The following KCNN2 variants were observed in gnomAD, a reference collection of about 807,000 sequenced individuals.
KCNN2 encodes the protein potassium calcium-activated channel subfamily N member 2, also known as small conductance calcium-activated potassium channel protein 2.
A neutral mutation model predicts 55.5 loss-of-function variants in KCNN2; 24 were observed. That is an observed-to-expected ratio of 0.43 (90% CI 0.31 to 0.61). KCNN2 has a LOEUF of 0.61. Ranked by LOEUF, KCNN2 falls within the 20% of genes least tolerant of loss-of-function variation. The probability of loss-of-function intolerance (pLI) is 0.08; values close to 1 mark genes in which losing one functional copy is unlikely to be tolerated. For missense variants in KCNN2, 754 were observed against 853.6 expected (o/e 0.88, Z 1.45); for synonymous variants, 431 against 336.1 (o/e 1.28, Z -3.09).
At chr5:114,195,670 A>G (rs1753541059) in intron 1 of KCNN2, among the ~76,000 whole-genome samples, 1 of 151,958 alleles carries the variant, frequency 6.6e-6, no homozygotes, top group Admixed American at 6.6e-5. Context: ...GATGCCTTTT[A>G]TATCTTTTTA....
chr5:114,109,500 C>T (rs1751551818), intron 1 of KCNN2, among the ~76,000 whole-genome samples: 1 of 152,018 alleles, frequency 6.6e-6, no homozygotes, highest in African/African-American at 2.4e-5. Context: ...GTTTGTCCAC[C>T]TCAACTAGTT....
chr5:114,238,311 G>T (rs1457144052), intron 2 of KCNN2, among the ~76,000 whole-genome samples: 1 of 151,612 alleles, frequency 6.6e-6, no homozygotes, highest in East Asian at 1.9e-4. Context: ...TCTTTTTTTA[G>T]ACTTAAAGGA....
chr5:114,056,785 T>C (rs1335208449), intron 1 of KCNN2, among the ~76,000 whole-genome samples: 1 of 152,176 alleles, frequency 6.6e-6, no homozygotes, highest in Admixed American at 6.5e-5. Context: ...TCCCCCCTTG[T>C]CCTCTTTCTC....
chr5:114,234,199 A>G (rs1049698820), intron 2 of KCNN2, among the ~76,000 whole-genome samples: 17 of 152,174 alleles, frequency 1.1e-4, no homozygotes, highest in African/African-American at 3.9e-4. Flanking sequence ...GATTATTTTC[A>G]GACATATCAT....
At chr5:114,209,267 G>C (rs923545378) in intron 1 of KCNN2, among the ~76,000 whole-genome samples, 1 of 151,776 alleles carries the variant, frequency 6.6e-6, no homozygotes, top group African/African-American at 2.4e-5. Flanking sequence ...CTTGTCTCCA[G>C]GGTCATCATT....
At chr5:114,343,296 G>A (rs1031725167) in intron 2 of KCNN2, among the ~76,000 whole-genome samples, 4 of 152,146 alleles carry the variant, frequency 2.6e-5, no homozygotes, top group Non-Finnish European at 5.9e-5. Flanking sequence ...GGAAAGATGG[G>A]ATGCTTGGTG....
intron 2 of KCNN2, among the ~76,000 whole-genome samples, chr5:114,315,401 C>T (rs549917734): frequency 1.3e-4 from 20 of 148,278 alleles, no homozygotes; most frequent in African/African-American, 4.7e-4. Context: ...TTAGAGTGTA[C>T]CACCCATGGA....
intron 2 of KCNN2, among the ~76,000 whole-genome samples, chr5:114,375,291 A>T (rs1010906711): frequency 2.0e-5 from 3 of 152,168 alleles, no homozygotes; most frequent in African/African-American, 7.2e-5. Context: ...AGTTGTATGC[A>T]TATAATGTGA....
intron 2 of KCNN2, among the ~76,000 whole-genome samples, chr5:114,223,144 G>T (rs1340391382): frequency 1.3e-5 from 2 of 152,220 alleles, no homozygotes; most frequent in African/African-American, 4.8e-5. Flanking sequence ...AAGAGTTAAA[G>T]AAATATCAAT....
chr5:114,359,605 C>T (rs1757365893), upstream of KCNN2, among the ~76,000 whole-genome samples: 1 of 152,162 alleles, frequency 6.6e-6, no homozygotes, highest in Non-Finnish European at 1.5e-5. Flanking sequence ...TAATTTAATG[C>T]TGGCAACAAC....
intron 3 of KCNN2, among the ~76,000 whole-genome samples, chr5:114,412,839 G>A (rs190010254): frequency 1.6e-4 from 25 of 152,310 alleles, no homozygotes; most frequent in Admixed American, 1.5e-3. Flanking sequence ...TTGCAGTGCT[G>A]GGAAAACATA....
chr5:114,120,875 C>A (rs1049930645), intron 1 of KCNN2, among the ~76,000 whole-genome samples: 42 of 152,252 alleles, frequency 2.8e-4, no homozygotes, highest in African/African-American at 9.6e-4. Context: ...AAGTATGTAT[C>A]TGCTGTATGA....
intron 1 of KCNN2, among the ~76,000 whole-genome samples, chr5:114,159,626 CTGGTCCTGGACTTTTTTTGGT>C (rs1752721386): frequency 6.6e-6 from 1 of 152,126 alleles, no homozygotes; most frequent in East Asian, 1.9e-4. Flanking sequence ...GTGAGTCCAT[CTGGTCCTGGACTTTTTTTGGT>C]TGGTAAGCTT....
chr5:114,342,887 G>A (rs1159920239), intron 2 of KCNN2, among the ~76,000 whole-genome samples: 1 of 152,152 alleles, frequency 6.6e-6, no homozygotes, highest in African/African-American at 2.4e-5. Flanking sequence ...ACATGTGCAG[G>A]ATGTGTAGGC....
chr5:114,217,077 A>G (rs961519320), intron 1 of KCNN2, among the ~76,000 whole-genome samples: 8 of 152,148 alleles, frequency 5.3e-5, no homozygotes, highest in African/African-American at 1.9e-4. Flanking sequence ...TTGTATGAGG[A>G]AAGCTACAAA....
At chr5:114,391,524 G>A (rs1443985670) in intron 2 of KCNN2, among the ~76,000 whole-genome samples, 1 of 151,996 alleles carries the variant, frequency 6.6e-6, no homozygotes, top group Non-Finnish European at 1.5e-5. Context: ...TTTCCTGTGA[G>A]TCACACTACC....
At chr5:114,273,932 G>A (rs1755426250) in intron 2 of KCNN2, among the ~76,000 whole-genome samples, 1 of 152,160 alleles carries the variant, frequency 6.6e-6, no homozygotes, top group African/African-American at 2.4e-5. Context: ...CCATGCCTAT[G>A]TCCTGAATGG....
At chr5:114,271,996 A>C (rs1352959610) in intron 2 of KCNN2, among the ~76,000 whole-genome samples, 1 of 152,218 alleles carries the variant, frequency 6.6e-6, no homozygotes, top group East Asian at 1.9e-4. Context: ...AATAAAGATT[A>C]GCTGTTATAT....
rs75284277 is a variant in KCNN2 at position 114,478,947 on chromosome 5, C to T, written c.1890+5783C>T. On this transcript the variant is annotated intron_variant, in intron 5 of 7. Transcript: ENST00000673685. ...CGTTACCACCCACTACAAAAACATA[C>T]CAAAGTACATAGACCACTGACACTA... is the stretch of plus-strand genomic sequence containing the variant. Among the ~76,000 whole-genome samples the T allele has an allele frequency of 2.1e-3, 323 of 152,232 alleles. 3 individuals carry two copies. The highest frequency in any genetic ancestry group is 7.6e-3 in the African/African-American group (317 of 41,550).
Sources: allele counts gnomAD v4.1 joint callset (sites outside exome capture counted in the v4.1 genomes callset), GRCh38; gene constraint gnomAD v4.1.1; transcripts MANE v1.5; gene names NCBI Gene and HGNC (gene_info 2026-07-23, HGNC 2026-07-21).